HPSE2: variants seen among roughly 807,000 people sequenced by gnomAD.
HPSE2 encodes the protein heparanase 2 (inactive), also known as inactive heparanase-2.
Under a neutral mutation model 60.5 loss-of-function variants are expected in HPSE2, and 38 were observed. The ratio of observed to expected loss-of-function variants is 0.63; its 90% CI spans 0.48 to 0.82. The LOEUF is 0.82. HPSE2 is among the 40% of genes least tolerant of loss of function. HPSE2 has a pLI of 0.00. For synonymous variants in HPSE2, 295 were observed against 293.2 expected (o/e 1.01, Z -0.06); for missense variants, 713 against 740.4 (o/e 0.96, Z 0.43).
At chr10:98,600,851 C>A (rs71486170) in intron 9 of HPSE2, among the ~76,000 whole-genome samples, 51,397 of 130,032 alleles carry the variant, frequency 0.4, 12,824 homozygotes, top group Admixed American at 0.52. Flanking sequence ...TATACACACA[C>A]ATATTATATA....
At position 98,457,407 on chromosome 10, in the gene HPSE2, C is replaced by T. The variant is rs535503114; in HGVS notation, c.*2167G>A. ...GGTGCCCCTGGGCGAGCCATGGATCCTCTCCATGCCTCGTAGGAAAAATGG... is the reference window on the plus strand; with the variant it reads ...GGTGCCCCTGGGCGAGCCATGGATCTTCTCCATGCCTCGTAGGAAAAATGG... On this transcript the variant is annotated 3_prime_UTR_variant, in exon 12 of 12. Coordinates refer to ENST00000370552, the MANE Select transcript of HPSE2 (RefSeq NM_021828.5). The T allele has an allele frequency of 6.6e-5, 10 of 152,278 alleles. No homozygotes were observed. Among genetic ancestry groups the T allele is most frequent in the African/African-American group, 2.4e-4 (10 of 41,558 alleles). The allele number at this position is 152,278 out of a possible 1,614,324, so 9.4% of individuals were successfully genotyped here.
intron 4 of HPSE2, among the ~76,000 whole-genome samples, chr10:98,723,745 T>G (rs1215223940): frequency 6.6e-6 from 1 of 152,220 alleles, no homozygotes; most frequent in Non-Finnish European, 1.5e-5. Flanking sequence ...TTCTAGTTTA[T>G]TTGCGTAGAG....
chr10:98,917,241 G>C (rs1954145112), intron 3 of HPSE2, among the ~76,000 whole-genome samples: 1 of 152,038 alleles, frequency 6.6e-6, no homozygotes, highest in Non-Finnish European at 1.5e-5. Flanking sequence ...ATTTTTAATA[G>C]AAACAATTCT....
At chr10:98,815,793 T>C (rs895128703) in intron 3 of HPSE2, among the ~76,000 whole-genome samples, 1 of 152,146 alleles carries the variant, frequency 6.6e-6, no homozygotes, top group Admixed American at 6.6e-5. Context: ...CCACGTCCTC[T>C]TCTCCCTATC....
intron 5 of HPSE2, among the ~76,000 whole-genome samples, chr10:98,708,419 G>C: frequency 6.8e-6 from 1 of 147,870 alleles, no homozygotes; most frequent in Non-Finnish European, 1.5e-5. Flanking sequence ...TCACACCACT[G>C]CACTCCAGCC....
chr10:98,684,293 A>C (rs1000111669), intron 6 of HPSE2, among the ~76,000 whole-genome samples: 8 of 152,174 alleles, frequency 5.3e-5, no homozygotes, highest in African/African-American at 1.9e-4. Context: ...AGGAGCAGAT[A>C]TCTCCAAGGA....
At chr10:98,721,592 A>T in intron 5 of HPSE2, 65 bp downstream of exon 5, 1 of 1,449,182 alleles carries the variant, frequency 6.9e-7, no homozygotes, top group Non-Finnish European at 9.6e-7. Context: ...TAACCAAGAG[A>T]AATGCAAATA....
chr10:98,617,652 G>C (rs984929672), intron 8 of HPSE2, among the ~76,000 whole-genome samples: 1 of 152,126 alleles, frequency 6.6e-6, no homozygotes, highest in African/African-American at 2.4e-5. Flanking sequence ...CCCTCAGAGA[G>C]GGAAAGCAAT....
At chr10:98,688,210 C>A (rs1213071218) in intron 6 of HPSE2, among the ~76,000 whole-genome samples, 4 of 151,956 alleles carry the variant, frequency 2.6e-5, no homozygotes, top group Non-Finnish European at 4.4e-5. Flanking sequence ...CACTATAATT[C>A]CATTTACTGA....
chr10:98,639,535 A>ACTTCCC (rs1444904520), intron 7 of HPSE2, among the ~76,000 whole-genome samples: 2 of 152,144 alleles, frequency 1.3e-5, no homozygotes, highest in African/African-American at 4.8e-5. Flanking sequence ...CAGTGACAGC[A>ACTTCCC]CTTCCCCTTC....
the HPSE2 span, among the ~76,000 whole-genome samples, chr10:99,294,655 C>T: frequency 2.6e-5 from 4 of 151,578 alleles, no homozygotes; most frequent in Non-Finnish European, 5.9e-5. Context: ...ACACTTTGGC[C>T]GGGCGTGATG....
At chr10:98,503,242 GA>G (rs1942087478) in intron 9 of HPSE2, among the ~76,000 whole-genome samples, 3 of 148,366 alleles carry the variant, frequency 2.0e-5, no homozygotes, top group Admixed American at 6.7e-5. Flanking sequence ...AAGAAAAAAA[GA>G]AAAAAAAGAG....
At chr10:99,235,991 GT>G (rs1171924296), upstream of HPSE2, 329 of 387,386 alleles carry the variant, frequency 8.5e-4, 3 homozygotes, top group African/African-American at 8.8e-3. Context: ...CGCTCGTTTT[GT>G]TTTTTTCTTT....
intron 3 of HPSE2, among the ~76,000 whole-genome samples, chr10:99,080,107 A>G (rs953435436): frequency 2.0e-5 from 3 of 152,184 alleles, no homozygotes; most frequent in Admixed American, 2.0e-4. Flanking sequence ...GGATGTCTCA[A>G]AAAAGAAACT....
At chr10:98,944,562 A>G (rs1203305739) in intron 3 of HPSE2, among the ~76,000 whole-genome samples, 2 of 152,148 alleles carry the variant, frequency 1.3e-5, no homozygotes, top group African/African-American at 4.8e-5. Flanking sequence ...CATTTTATGC[A>G]TATGCATTAT....
At chr10:99,016,715 G>A (rs550692284) in intron 3 of HPSE2, among the ~76,000 whole-genome samples, 6 of 151,978 alleles carry the variant, frequency 3.9e-5, no homozygotes, top group Non-Finnish European at 7.4e-5. Context: ...TTGAGCAGTG[G>A]TTTGTAGTTC....
At chr10:99,167,144 G>A (rs1230868687) in intron 2 of HPSE2, among the ~76,000 whole-genome samples, 2 of 151,988 alleles carry the variant, frequency 1.3e-5, no homozygotes, top group South Asian at 2.1e-4. Context: ...CCTAGTAGAT[G>A]GGATTACAAG....
chr10:99,039,086 T>C (rs189681565), intron 3 of HPSE2, among the ~76,000 whole-genome samples: 2 of 152,306 alleles, frequency 1.3e-5, no homozygotes, highest in East Asian at 3.9e-4. Context: ...CACTGCTTTA[T>C]AACTTTATAC....
rs893702158 is a variant in HPSE2, at chr10:98,457,952, A to G, written c.*1622T>C. On this transcript the variant is annotated 3_prime_UTR_variant, in exon 12 of 12. Transcript: ENST00000370552. ...CTGTATGCTGTTCCTCCTGTGCTTA[A>G]TGATAAGCATGTCAAAACCCGGTCC... is the stretch of plus-strand genomic sequence containing the variant. The G allele has an allele frequency of 6.6e-6, 1 of 152,142 alleles. No homozygotes were observed. Among genetic ancestry groups the G allele is most frequent in the Non-Finnish European group, 1.5e-5 (1 of 68,050 alleles). The allele number at this position is 152,142 out of a possible 1,614,324, so 9.4% of individuals were successfully genotyped here. A position where few individuals can be genotyped will look rare whatever the true frequency, so the allele number is the denominator to read the frequency against.
Sources: allele counts gnomAD v4.1 joint callset (sites outside exome capture counted in the v4.1 genomes callset), GRCh38; gene constraint gnomAD v4.1.1; transcripts MANE v1.5; gene names NCBI Gene and HGNC (gene_info 2026-07-23, HGNC 2026-07-21).